DRC11: variants seen among roughly 807,000 people sequenced by gnomAD.
DRC11 encodes dynein regulatory complex subunit 11.
the DRC11 span, among the ~76,000 whole-genome samples, chr2:236,416,905 C>A: frequency 5.3e-5 from 8 of 151,292 alleles, no homozygotes; most frequent in African/African-American, 1.9e-4. Flanking sequence ...GGATTACAGG[C>A]ACCCAAAACA....
chr2:236,424,092 C>T, the DRC11 span, among the ~76,000 whole-genome samples: 3 of 151,374 alleles, frequency 2.0e-5, no homozygotes, highest in Non-Finnish European at 4.4e-5. Flanking sequence ...GGGAGATATA[C>T]CTAATGCTAG....
At chr2:236,449,941 C>A in the DRC11 span, among the ~76,000 whole-genome samples, 1 of 152,068 alleles carries the variant, frequency 6.6e-6, no homozygotes, top group African/African-American at 2.4e-5. The surrounding 1 kb of genome is among the most constrained non-coding windows in gnomAD (Gnocchi z 5.1). Flanking sequence ...GAGGAGAAAC[C>A]CCTATGTGTG....
At chr2:236,330,919 T>C in the DRC11 span, among the ~76,000 whole-genome samples, 2 of 152,212 alleles carry the variant, frequency 1.3e-5, no homozygotes, top group African/African-American at 4.8e-5. The surrounding 1 kb of genome is among the most constrained non-coding windows in gnomAD (Gnocchi z 5.5). Flanking sequence ...ATGAGTTATC[T>C]TGTGGCTTCC....
the DRC11 span, among the ~76,000 whole-genome samples, chr2:236,367,372 G>C: frequency 6.7e-6 from 1 of 150,248 alleles, no homozygotes; most frequent in Non-Finnish European, 1.5e-5. The surrounding 1 kb of genome is among the most constrained non-coding windows in gnomAD (Gnocchi z 4.8). Context: ...CAATTTAGAA[G>C]AGGAATTAAC....
chr2:236,442,431 C>T, the DRC11 span, among the ~76,000 whole-genome samples: 1 of 152,096 alleles, frequency 6.6e-6, no homozygotes, highest in Non-Finnish European at 1.5e-5. Context: ...TTTTAATAGC[C>T]CTTTTAGCTA....
the DRC11 span, among the ~76,000 whole-genome samples, chr2:236,378,796 G>A: frequency 3.3e-5 from 5 of 152,194 alleles, no homozygotes; most frequent in East Asian, 1.9e-4. Context: ...AGGAGGTGCC[G>A]GTGTTTACGC....
chr2:236,396,302 C>CGGGG, the DRC11 span, among the ~76,000 whole-genome samples: 734 of 60,174 alleles, frequency 0.012, 8 homozygotes, highest in East Asian at 0.032. Context: ...GAAAGAGGGG[C>CGGGG]GGGGGGGGGT....
the DRC11 span, chr2:236,507,157 GAAA>G: frequency 0.016 from 19,945 of 1,282,146 alleles, 549 homozygotes; most frequent in East Asian, 0.12. Context: ...GAGGGGAGGA[GAAA>G]AGAAAAGAAA....
At chr2:236,497,167 G>A in the DRC11 span, 1 of 1,604,974 alleles carries the variant, frequency 6.2e-7, no homozygotes, top group Non-Finnish European at 8.5e-7. The surrounding 1 kb of genome is among the most constrained non-coding windows in gnomAD (Gnocchi z 5.1). Flanking sequence ...GCTTACGGGG[G>A]CCAGCTTGAG....
the DRC11 span, among the ~76,000 whole-genome samples, chr2:236,487,053 C>T: frequency 6.6e-6 from 1 of 152,128 alleles, no homozygotes; most frequent in African/African-American, 2.4e-5. Context: ...ATTTTTTCTT[C>T]TGTGATCACA....
chr2:236,452,426 C>T, the DRC11 span, among the ~76,000 whole-genome samples: 2 of 152,158 alleles, frequency 1.3e-5, no homozygotes, highest in South Asian at 2.1e-4. This position sits in a 1 kb window ranked among gnomAD's most constrained non-coding sequence, Gnocchi z 4.7. Flanking sequence ...CCGGTCCCCC[C>T]CAAGTCATCC....
the DRC11 span, among the ~76,000 whole-genome samples, chr2:236,459,652 T>TATACATATATACGTATATACGTATATAC: frequency 8.7e-5 from 9 of 103,800 alleles, no homozygotes; most frequent in Non-Finnish European, 1.6e-4. Context: ...TACGTATATA[T>TATACATATATACGTATATACGTATATAC]GTATATACAT....
At chr2:236,474,354 CTAAAA>C in the DRC11 span, among the ~76,000 whole-genome samples, 1 of 152,090 alleles carries the variant, frequency 6.6e-6, no homozygotes, top group South Asian at 2.1e-4. Context: ...CAAAGTAACA[CTAAAA>C]TAAAGTTAAA....
chr2:236,431,046 A>G, the DRC11 span, among the ~76,000 whole-genome samples: 6 of 152,202 alleles, frequency 3.9e-5, no homozygotes, highest in Non-Finnish European at 7.3e-5. This position sits in a 1 kb window ranked among gnomAD's most constrained non-coding sequence, Gnocchi z 4.2. Flanking sequence ...ATTTTATTGA[A>G]GCATATCATA....
At chr2:236,416,745 A>ATTTT in the DRC11 span, among the ~76,000 whole-genome samples, 1,094 of 59,512 alleles carry the variant, frequency 0.018, 47 homozygotes, top group Non-Finnish European at 0.032. Context: ...ATATATATAT[A>ATTTT]TATATATATA....
At chr2:236,420,155 C>A in the DRC11 span, among the ~76,000 whole-genome samples, 1 of 152,178 alleles carries the variant, frequency 6.6e-6, no homozygotes, top group African/African-American at 2.4e-5. This position sits in a 1 kb window ranked among gnomAD's most constrained non-coding sequence, Gnocchi z 4.8. Context: ...TGCTGCTACA[C>A]CAGACGCATG....
the DRC11 span, among the ~76,000 whole-genome samples, chr2:236,458,063 C>A: frequency 3.3e-5 from 5 of 152,146 alleles, no homozygotes; most frequent in Non-Finnish European, 7.4e-5. Flanking sequence ...ACACATCTAA[C>A]ATGTCCAACC....
chr2:236,460,476 T>C, the DRC11 span, among the ~76,000 whole-genome samples: 3 of 152,216 alleles, frequency 2.0e-5, no homozygotes, highest in East Asian at 5.8e-4. The surrounding 1 kb of genome is among the most constrained non-coding windows in gnomAD (Gnocchi z 4.0). Flanking sequence ...CAAAAGATGG[T>C]TGCCACGGGT....
chr2:236,417,079 A>G, the DRC11 span, among the ~76,000 whole-genome samples: 1 of 151,478 alleles, frequency 6.6e-6, no homozygotes, highest in Non-Finnish European at 1.5e-5. Flanking sequence ...CATGTTGGCC[A>G]GGCTGGTCTC....
Sources: allele counts gnomAD v4.1 joint callset (sites outside exome capture counted in the v4.1 genomes callset), GRCh38; gene constraint gnomAD v4.1.1; non-coding constraint Gnocchi (gnomAD v3.1); transcripts MANE v1.5; gene names NCBI Gene and HGNC (gene_info 2026-07-23, HGNC 2026-07-21).